SLC14A2: variants seen among roughly 807,000 people sequenced by gnomAD.
The protein encoded by SLC14A2 is urea transporter 2.
SLC14A2 carries 91 observed loss-of-function variants against 104.6 expected under a neutral mutation model. The observed-to-expected ratio is 0.87, with a 90% CI of 0.73 to 1.04. The LOEUF is 1.04. Among genes scored for constraint, SLC14A2 ranks in the 50% least tolerant of loss-of-function variants. The pLI is 0.00. For missense variants in SLC14A2, 1,189 were observed against 1,156.0 expected, an observed-to-expected ratio of 1.03 and a Z score of -0.41; for synonymous variants, 476 against 466.4, an observed-to-expected ratio of 1.02 and a Z score of -0.27.
chr18:45,243,181 C>T (rs2084334796), intron 1 of SLC14A2, among the ~76,000 whole-genome samples: 1 of 152,156 alleles, frequency 6.6e-6, no homozygotes, highest in African/African-American at 2.4e-5. Flanking sequence ...AGGCCAGGCA[C>T]ATTCAGTGGG....
intron 1 of SLC14A2, among the ~76,000 whole-genome samples, chr18:45,433,253 C>T (rs942269841): frequency 3.9e-5 from 6 of 152,226 alleles, no homozygotes; most frequent in Admixed American, 2.6e-4. Context: ...CCTCAACATG[C>T]TGTTGTGAAG....
chr18:45,436,288 G>C (rs1201099873), intron 1 of SLC14A2, among the ~76,000 whole-genome samples: 1 of 152,224 alleles, frequency 6.6e-6, no homozygotes, highest in Non-Finnish European at 1.5e-5. Context: ...GGTGATTCCA[G>C]AAAGCAGATG....
rs1237474933 is a variant in SLC14A2, at chr18:45,683,479, T to C, written c.*960T>C. On this transcript the variant is annotated 3_prime_UTR_variant, in exon 20 of 20. Transcript: ENST00000255226. The stretch of plus-strand genomic sequence containing the variant: ...GTTAACGTTCTATAAAGTTTTATTC[T>C]TGAGTCATAGGAAAATGCTCTCCAG... 1.3e-5 allele frequency: 2 copies of C among 152,248 alleles called. No homozygotes were observed. Among genetic ancestry groups the C allele is most frequent in the African/African-American group, 4.8e-5 (2 of 41,468 alleles). 9.4% of individuals were successfully genotyped at this position (152,248 alleles called of 1,614,324 possible).
chr18:45,273,965 A>T (rs1032947132), intron 1 of SLC14A2, among the ~76,000 whole-genome samples: 112 of 152,304 alleles, frequency 7.4e-4, no homozygotes, highest in African/African-American at 2.6e-3. Flanking sequence ...CATTTTATTT[A>T]ATTTGAGTTT....
At chr18:45,629,244 C>A (rs1243991404) in intron 4 of SLC14A2, among the ~76,000 whole-genome samples, 2 of 152,094 alleles carry the variant, frequency 1.3e-5, no homozygotes, top group African/African-American at 4.8e-5. Context: ...GCTCATGCAC[C>A]TCTAGGGTGG....
At chr18:45,525,841 G>A (rs932102350) in intron 2 of SLC14A2, among the ~76,000 whole-genome samples, 5 of 152,164 alleles carry the variant, frequency 3.3e-5, no homozygotes, top group Admixed American at 3.3e-4. Flanking sequence ...CAGGAGATGT[G>A]CTGTTTTTAA....
intron 1 of SLC14A2, among the ~76,000 whole-genome samples, chr18:45,245,813 T>C (rs1247951799): frequency 1.3e-5 from 2 of 152,236 alleles, no homozygotes; most frequent in Non-Finnish European, 2.9e-5. Context: ...CATTTTTGTA[T>C]TCATGTATTG....
At chr18:45,173,136 TCAC>T in the SLC14A2 span, among the ~76,000 whole-genome samples, 85 of 152,282 alleles carry the variant, frequency 5.6e-4, no homozygotes, top group African/African-American at 2.0e-3. Flanking sequence ...GCTGTAGTAT[TCAC>T]CAACTACATG....
At chr18:45,215,463 TA>T (rs1255666168) in intron 1 of SLC14A2, among the ~76,000 whole-genome samples, 1 of 152,232 alleles carries the variant, frequency 6.6e-6, no homozygotes, top group African/African-American at 2.4e-5. Flanking sequence ...TTCTTAAGGT[TA>T]AATGAATTTT....
chr18:45,303,553 C>T (rs1376061623), intron 1 of SLC14A2, among the ~76,000 whole-genome samples: 1 of 152,218 alleles, frequency 6.6e-6, no homozygotes, highest in Non-Finnish European at 1.5e-5. Flanking sequence ...GGCTGCTGCT[C>T]TCGTCCTGGT....
chr18:45,671,931 C>T (rs1474464477), intron 16 of SLC14A2, among the ~76,000 whole-genome samples: 3 of 152,288 alleles, frequency 2.0e-5, no homozygotes, highest in East Asian at 1.9e-4. Context: ...CCCAAACTCT[C>T]GGACCTTTGT....
intron 7 of SLC14A2, among the ~76,000 whole-genome samples, chr18:45,640,270 C>T (rs1042748053): frequency 3.3e-5 from 5 of 149,464 alleles, no homozygotes; most frequent in African/African-American, 9.9e-5. Context: ...AGTGAGACTC[C>T]GTCTTAAAAA....
intron 1 of SLC14A2, among the ~76,000 whole-genome samples, chr18:45,451,647 C>T (rs371098510): frequency 3.8e-4 from 57 of 149,214 alleles, no homozygotes; most frequent in African/African-American, 1.1e-3. Flanking sequence ...CTCTTATTCA[C>T]GTTCACATTA....
At chr18:45,408,159 A>T (rs1457283065) in intron 1 of SLC14A2, among the ~76,000 whole-genome samples, 1 of 152,152 alleles carries the variant, frequency 6.6e-6, no homozygotes, top group Non-Finnish European at 1.5e-5. Flanking sequence ...CTTTGAGCTG[A>T]GGTACAAATG....
intron 1 of SLC14A2, among the ~76,000 whole-genome samples, chr18:45,337,369 T>A (rs959450927): frequency 1.3e-5 from 2 of 152,204 alleles, no homozygotes; most frequent in Non-Finnish European, 2.9e-5. Context: ...CTAACTTGCT[T>A]CCAGGTAATA....
intron 1 of SLC14A2, among the ~76,000 whole-genome samples, chr18:45,357,982 G>T (rs2085572705): frequency 1.3e-5 from 2 of 152,172 alleles, no homozygotes; most frequent in Non-Finnish European, 2.9e-5. Context: ...CCCAATCAAG[G>T]TAGTTGATTG....
intron 2 of SLC14A2, among the ~76,000 whole-genome samples, chr18:45,539,404 T>C (rs1261503155): frequency 6.6e-6 from 1 of 152,196 alleles, no homozygotes; most frequent in Non-Finnish European, 1.5e-5. Context: ...CCATCACAGA[T>C]GGCTGCCTGG....
At chr18:45,268,963 T>TG (rs1377160236) in intron 1 of SLC14A2, among the ~76,000 whole-genome samples, 183 of 147,956 alleles carry the variant, frequency 1.2e-3, no homozygotes, top group South Asian at 0.011. Flanking sequence ...TGTTGGTGTG[T>TG]TTGTGTGTGT....
chr18:45,594,721 G>A (rs983342920), intron 2 of SLC14A2, among the ~76,000 whole-genome samples: 1 of 152,126 alleles, frequency 6.6e-6, no homozygotes, highest in Admixed American at 6.5e-5. Flanking sequence ...TAGATGGGAG[G>A]CTGAACCAGA....
Sources: allele counts gnomAD v4.1 joint callset (sites outside exome capture counted in the v4.1 genomes callset), GRCh38; gene constraint gnomAD v4.1.1; transcripts MANE v1.5; gene names NCBI Gene and HGNC (gene_info 2026-07-23, HGNC 2026-07-21).